The following STRN3 variants were observed in gnomAD, a reference collection of about 807,000 sequenced individuals.
STRN3 encodes striatin-3.
A neutral mutation model predicts 95.6 loss-of-function variants in STRN3; 29 were observed. The observed-to-expected ratio is 0.30, with a 90% CI of 0.23 to 0.41. The LOEUF is 0.41. Ranked by LOEUF, STRN3 falls within the 10% of genes least tolerant of loss-of-function variation. The pLI, the probability that STRN3 is intolerant of heterozygous loss-of-function variation, is 1.00. For synonymous variants in STRN3, 331 were observed against 357.6 expected, an observed-to-expected ratio of 0.93 and a Z score of 0.84; for missense variants, 890 against 972.1, an observed-to-expected ratio of 0.92 and a Z score of 1.12.
intron 5 of STRN3, among the ~76,000 whole-genome samples, chr14:30,946,887 G>A (rs1420827758): frequency 7.9e-5 from 12 of 151,598 alleles, no homozygotes; most frequent in African/African-American, 2.9e-4. Flanking sequence ...GCTGAGGCAG[G>A]AGAATTGCTT....
intron 16 of STRN3, among the ~76,000 whole-genome samples, chr14:30,899,454 CTGT>C (rs1281863796): frequency 6.6e-6 from 1 of 152,166 alleles, no homozygotes; most frequent in Non-Finnish European, 1.5e-5. Context: ...TTTGCAAGCC[CTGT>C]TGTTCAAATA....
chr14:30,984,145 C>CT (rs1166498035), intron 1 of STRN3, among the ~76,000 whole-genome samples: 1 of 139,984 alleles, frequency 7.1e-6, no homozygotes, highest in Admixed American at 7.3e-5. Context: ...CAACCCCCCC[C>CT]CACACACAAA....
intron 1 of STRN3, chr14:30,964,229 A>G (rs1204615456): frequency 6.6e-6 from 1 of 152,270 alleles, no homozygotes; most frequent in Non-Finnish European, 1.5e-5. Context: ...CGTCTAAAAA[A>G]GAAAAACAAA....
intron 1 of STRN3, among the ~76,000 whole-genome samples, chr14:30,991,752 G>A (rs1881965270): frequency 1.3e-5 from 2 of 151,800 alleles, no homozygotes; most frequent in Non-Finnish European, 2.9e-5. Context: ...AGGAAGAGAC[G>A]GAACATAAAA....
In STRN3 at chr14:30,956,209, C is replaced by G; in HGVS notation, c.316G>C (p.Gly106Arg). The G allele has an allele frequency of 6.2e-7, 1 of 1,613,846 alleles. No homozygotes were observed. Among genetic ancestry groups the G allele is most frequent in the Non-Finnish European group, 8.5e-7 (1 of 1,179,940 alleles). The stretch of plus-strand genomic sequence containing the variant: ...AAGTCCTTCTTCAGGTTCTCTTGAC[C>G]TTTTCTTTCGCCTTGTAGAAATGCA... ...RIAFLQGERKGQENLKKDLVR... is the reference protein window; with the variant it reads ...RIAFLQGERKRQENLKKDLVR... Residue 106 changes from glycine to arginine, a missense_variant, in exon 2 of 18, where the codon GGT (glycine) becomes CGT (arginine). Transcript: ENST00000357479.
chr14:30,949,278 T>C (rs952401150), intron 4 of STRN3, among the ~76,000 whole-genome samples: 1 of 152,170 alleles, frequency 6.6e-6, no homozygotes, highest in Non-Finnish European at 1.5e-5. Context: ...AAATACCTTT[T>C]TGAATGGTAA....
intron 1 of STRN3, among the ~76,000 whole-genome samples, chr14:30,994,279 C>T (rs538651548): frequency 5.9e-5 from 9 of 152,272 alleles, no homozygotes; most frequent in African/African-American, 1.4e-4. Context: ...GCATGAGCCA[C>T]GGCCACCCAG....
intron 1 of STRN3, among the ~76,000 whole-genome samples, chr14:30,975,380 A>G (rs1026733356): frequency 6.6e-6 from 1 of 151,916 alleles, no homozygotes; most frequent in Non-Finnish European, 1.5e-5. Flanking sequence ...GAATGATATA[A>G]TGAACTTTGG....
chr14:30,980,690 C>A (rs997488317), intron 1 of STRN3, among the ~76,000 whole-genome samples: 11 of 152,080 alleles, frequency 7.2e-5, no homozygotes, highest in Non-Finnish European at 7.4e-5. Flanking sequence ...CGTGACCCAC[C>A]GCACCCGGCC....
chr14:31,001,639 G>A (rs538689750), intron 1 of STRN3, among the ~76,000 whole-genome samples: 81 of 152,188 alleles, frequency 5.3e-4, no homozygotes, highest in African/African-American at 1.8e-3. Context: ...AAACTCGGTC[G>A]TACCAAAAGA....
chr14:30,957,895 T>C (rs1235190459), intron 1 of STRN3, among the ~76,000 whole-genome samples: 1 of 152,188 alleles, frequency 6.6e-6, no homozygotes, highest in Non-Finnish European at 1.5e-5. Flanking sequence ...AGCTATTCAG[T>C]AAGCTAAATT....
intron 1 of STRN3, among the ~76,000 whole-genome samples, chr14:31,001,048 G>C (rs888280985): frequency 1.7e-4 from 26 of 152,208 alleles, no homozygotes; most frequent in African/African-American, 5.8e-4. Context: ...GAGGGGGTAG[G>C]GCTGAAGGTT....
intron 1 of STRN3, among the ~76,000 whole-genome samples, chr14:31,018,134 T>TA (rs11407925): frequency 0.36 from 51,608 of 143,918 alleles, 9,788 homozygotes; most frequent in South Asian, 0.57. Flanking sequence ...ACCATTTTGT[T>TA]AAAAAAAAAA....
chr14:31,013,849 C>T (rs1237840245), intron 1 of STRN3, among the ~76,000 whole-genome samples: 1 of 135,180 alleles, frequency 7.4e-6, no homozygotes, highest in African/African-American at 2.9e-5. Context: ...CCTGCCTTGG[C>T]TTCTCAAAGC....
chr14:30,952,812 C>T (rs1879716648), intron 3 of STRN3, among the ~76,000 whole-genome samples: 1 of 152,064 alleles, frequency 6.6e-6, no homozygotes, highest in African/African-American at 2.4e-5. Flanking sequence ...CTATTTATAA[C>T]ATTTTAAAAT....
chr14:30,963,040 G>A (rs970921421), intron 1 of STRN3, among the ~76,000 whole-genome samples: 10 of 152,112 alleles, frequency 6.6e-5, no homozygotes, highest in African/African-American at 2.2e-4. Context: ...ATCATCTAAC[G>A]ATACATTTCT....
Position 30,905,504 on chromosome 14 carries a change from A to C in STRN3, c.1943T>G (p.Val648Gly). 1 of 1,610,332 alleles carries C rather than the reference A, an allele frequency of 6.2e-7. No individual in the cohort carries two copies. The highest frequency in any genetic ancestry group is 8.5e-7 in the Non-Finnish European group (1 of 1,178,514). ...TGCACTACCAGTGTTGAAAGAGGTTACCATATGAGCTGGATCACAGCCTAT... is the reference window on the plus strand; with the variant it reads ...TGCACTACCAGTGTTGAAAGAGGTTCCCATATGAGCTGGATCACAGCCTAT... ...DFIGCDPAHMVTSFNTGSAVI... is the reference protein window; with the variant it reads ...DFIGCDPAHMGTSFNTGSAVI... The change falls in exon 15 of 18, where the codon GTA becomes GGA. Residue 648 changes from valine to glycine, a missense_variant. Physicochemically the swap from Val to Gly is moderately radical, Grantham distance 109 (BLOSUM62 -3). This residue lies in a region of STRN3 where 357 missense variants were observed against 422.8 expected (regional missense o/e 0.84). Transcript: ENST00000357479.
rs151095789 is a variant in STRN3 at position 30,936,893 on chromosome 14, A to C, written c.717-269T>G. 5.9e-3 allele frequency among the ~76,000 whole-genome samples: 893 copies of C among 152,336 alleles called. 5 individuals carry two copies. Among genetic ancestry groups the C allele is most frequent in the Middle Eastern group, 0.041 (12 of 294 alleles). On this transcript the variant is annotated intron_variant, in intron 5 of 17. Transcript: ENST00000357479. ...ACAAAATAAAATCCTATAGTATTAG[A>C]CACTCAAACACATATTATTAGTTCT...
intron 13 of STRN3, among the ~76,000 whole-genome samples, 195 bp from the exon 14 acceptor site, chr14:30,907,239 A>C (rs1254507417): frequency 6.7e-6 from 1 of 148,808 alleles, no homozygotes; most frequent in African/African-American, 2.5e-5. Flanking sequence ...TCCCATCAAC[A>C]TTTTTCTGTA....
Sources: allele counts gnomAD v4.1 joint callset (sites outside exome capture counted in the v4.1 genomes callset), GRCh38; gene constraint gnomAD v4.1.1; regional missense constraint gnomAD v4.1.1; transcripts MANE v1.5; gene names NCBI Gene and HGNC (gene_info 2026-07-23, HGNC 2026-07-21).